The following CACUL1 variants were observed in gnomAD, a reference collection of about 807,000 sequenced individuals.
CACUL1 encodes CDK2 associated cullin domain 1.
Under a neutral mutation model 45.2 loss-of-function variants are expected in CACUL1, and 13 were observed. The observed-to-expected ratio is 0.29, with a 90% CI of 0.19 to 0.46. The LOEUF (loss-of-function observed/expected upper bound fraction) is 0.46, where lower values mean the gene tolerates loss of function less well. Among genes scored for constraint, CACUL1 ranks in the 20% least tolerant of loss-of-function variants. The pLI, the probability that CACUL1 is intolerant of heterozygous loss-of-function variation, is 1.00. For synonymous variants in CACUL1, 197 were observed against 174.2 expected (o/e 1.13, Z -1.03); for missense variants, 421 against 471.4 (o/e 0.89, Z 0.99).
chr10:118,722,969 C>T (rs1049681039), intron 3 of CACUL1, among the ~76,000 whole-genome samples: 1 of 152,162 alleles, frequency 6.6e-6, no homozygotes, highest in Admixed American at 6.5e-5. Context: ...CCTTAATTTG[C>T]ATATAATTAA....
intron 1 of CACUL1, among the ~76,000 whole-genome samples, chr10:118,736,499 A>G (rs2119656102): frequency 6.6e-6 from 1 of 151,664 alleles, no homozygotes; most frequent in South Asian, 2.1e-4. Context: ...GATCCTCCCA[A>G]CTCAACCTCC....
rs1309113662 is a variant in CACUL1 at position 118,685,937 on chromosome 10, C to A, written c.*191G>T. On this transcript the variant is annotated 3_prime_UTR_variant, in exon 9 of 9. Coordinates refer to ENST00000369151, the MANE Select transcript of CACUL1 (RefSeq NM_153810.5). ...ATTTCAAAATCACCCCCAAGTCTAG[C>A]AGCAACGTTTTTTTTTTTTTTAGTT... 4.3e-5 allele frequency: 18 copies of A among 416,272 alleles called. No homozygotes were observed. The highest frequency in any genetic ancestry group is 7.3e-5 in the Non-Finnish European group (17 of 232,790). The allele number at this position is 416,272 out of a possible 1,614,324, so 25.8% of individuals were successfully genotyped here. A position where few individuals can be genotyped will look rare whatever the true frequency, so the allele number is the denominator to read the frequency against.
At chr10:118,722,406 A>G (rs1168404921) in intron 3 of CACUL1, among the ~76,000 whole-genome samples, 1 of 152,010 alleles carries the variant, frequency 6.6e-6, no homozygotes, top group East Asian at 1.9e-4. Flanking sequence ...TTAAATTTTA[A>G]ACTGCATGCC....
At chr10:118,722,778 G>A (rs370132668) in intron 3 of CACUL1, among the ~76,000 whole-genome samples, 28 of 152,154 alleles carry the variant, frequency 1.8e-4, no homozygotes, top group African/African-American at 2.4e-4. Context: ...ACCAAACGGA[G>A]GACTAGCTAA....
intron 5 of CACUL1, among the ~76,000 whole-genome samples, chr10:118,699,443 C>T (rs896832889): frequency 1.3e-5 from 2 of 152,142 alleles, no homozygotes; most frequent in African/African-American, 2.4e-5. Context: ...TCTTTGCATA[C>T]GTCCAATAAA....
rs1845942036 is a variant in CACUL1 at position 118,754,845 on chromosome 10, C to T, written c.-83G>A. On this transcript the variant is annotated 5_prime_UTR_variant, in exon 1 of 9. Coordinates refer to ENST00000369151, the MANE Select transcript of CACUL1 (RefSeq NM_153810.5). ...GGGCCAGCGGGCACCGCTGCCTCCC[C>T]GAGTTACATCGCCGGCGGCAGGAAT... 6.8e-7 allele frequency: 1 copy of T among 1,476,496 alleles called. No individual in the cohort carries two copies. Among genetic ancestry groups the T allele is most frequent in the South Asian group, 1.4e-5 (1 of 72,518 alleles). The allele number at this position is 1,476,496 out of a possible 1,614,324, so 91.5% of individuals were successfully genotyped here.
intron 1 of CACUL1, among the ~76,000 whole-genome samples, chr10:118,745,343 C>T (rs1845831254): frequency 6.6e-6 from 1 of 151,938 alleles, no homozygotes; most frequent in South Asian, 2.1e-4. Flanking sequence ...AGGTGGATCA[C>T]CTGAGGTCAG....
intron 3 of CACUL1, among the ~76,000 whole-genome samples, chr10:118,720,259 A>C (rs979933558): frequency 3.9e-5 from 6 of 152,214 alleles, no homozygotes; most frequent in Non-Finnish European, 8.8e-5. Context: ...TAGCTTTTAA[A>C]GTAACTGGCT....
At chr10:118,690,832 G>A (rs1845258211) in intron 7 of CACUL1, among the ~76,000 whole-genome samples, 2 of 152,186 alleles carry the variant, frequency 1.3e-5, no homozygotes. Flanking sequence ...GATCACTTGA[G>A]GTCAGGAGTT....
intron 5 of CACUL1, among the ~76,000 whole-genome samples, chr10:118,697,865 C>G (rs76001466): frequency 2.0e-5 from 3 of 152,156 alleles, no homozygotes; most frequent in Non-Finnish European, 4.4e-5. Flanking sequence ...CAACATACGA[C>G]GTAAATACTT....
chr10:118,695,600 T>TC (rs1025990703), intron 5 of CACUL1, among the ~76,000 whole-genome samples: 3 of 152,136 alleles, frequency 2.0e-5, no homozygotes, highest in Non-Finnish European at 4.4e-5. Flanking sequence ...CATTTCTCCT[T>TC]CCCCCAAAAC....
At chr10:118,748,274 T>C (rs1845863992) in intron 1 of CACUL1, among the ~76,000 whole-genome samples, 1 of 152,138 alleles carries the variant, frequency 6.6e-6, no homozygotes, top group Non-Finnish European at 1.5e-5. Context: ...CCTGGTAACC[T>C]TGAAAGACGA....
intron 7 of CACUL1, among the ~76,000 whole-genome samples, chr10:118,688,961 T>C (rs1163365951): frequency 2.0e-5 from 3 of 152,238 alleles, no homozygotes; most frequent in Admixed American, 6.5e-5. Flanking sequence ...AAGCTGTTTG[T>C]TGCCTACTCA....
At chr10:118,722,525 T>C (rs1475602974) in intron 3 of CACUL1, among the ~76,000 whole-genome samples, 3 of 152,318 alleles carry the variant, frequency 2.0e-5, no homozygotes, top group Admixed American at 6.5e-5. Context: ...CTGTTGACAC[T>C]ATCCATCTGT....
chr10:118,717,893 C>A (rs1845562922), intron 3 of CACUL1, among the ~76,000 whole-genome samples: 2 of 152,096 alleles, frequency 1.3e-5, no homozygotes, highest in African/African-American at 4.8e-5. Flanking sequence ...CTTAGTAAGA[C>A]CTGAGGATGA....
At chr10:118,741,849 G>T (rs1845796290) in intron 1 of CACUL1, among the ~76,000 whole-genome samples, 1 of 152,032 alleles carries the variant, frequency 6.6e-6, no homozygotes, top group South Asian at 2.1e-4. Flanking sequence ...ATCTATCCAT[G>T]TTTAACATGA....
chr10:118,703,046 C>T (rs1845398901), intron 4 of CACUL1, among the ~76,000 whole-genome samples: 2 of 152,152 alleles, frequency 1.3e-5, no homozygotes, highest in South Asian at 4.1e-4. Context: ...CCCACTTCAG[C>T]CACCTGAGCA....
chr10:118,737,095 C>G (rs1845747314), intron 1 of CACUL1, among the ~76,000 whole-genome samples: 1 of 139,662 alleles, frequency 7.2e-6, no homozygotes, highest in African/African-American at 2.7e-5. Context: ...TTAAGCAAAG[C>G]ATGACAGTAC....
chr10:118,691,105 CA>C (rs1486184631), intron 7 of CACUL1, among the ~76,000 whole-genome samples, 159 bp downstream of exon 7: 2 of 152,172 alleles, frequency 1.3e-5, no homozygotes, highest in Non-Finnish European at 2.9e-5. Flanking sequence ...AACCTAGCTT[CA>C]ACATTTCTAC....
Sources: allele counts gnomAD v4.1 joint callset (sites outside exome capture counted in the v4.1 genomes callset), GRCh38; gene constraint gnomAD v4.1.1; transcripts MANE v1.5; gene names NCBI Gene and HGNC (gene_info 2026-07-23, HGNC 2026-07-21).